GCSH: variants seen among roughly 807,000 people sequenced by gnomAD.
The protein encoded by GCSH is glycine cleavage system H protein, mitochondrial.
A neutral mutation model predicts 21.3 loss-of-function variants in GCSH; 15 were observed. That is an observed-to-expected ratio of 0.70 (90% confidence interval 0.47 to 1.08). The LOEUF (loss-of-function observed/expected upper bound fraction) is 1.08. GCSH is among the 50% of genes least tolerant of loss of function. The pLI, the probability that GCSH is intolerant of heterozygous loss-of-function variation, is 0.00. For missense variants in GCSH, 179 were observed against 217.5 expected (o/e 0.82, Z 1.11); for synonymous variants, 59 against 84.5 (o/e 0.70, Z 1.66).
intron 2 of GCSH, among the ~76,000 whole-genome samples, chr16:81,089,012 T>C (rs1972339449): frequency 6.6e-6 from 1 of 152,164 alleles, no homozygotes; most frequent in African/African-American, 2.4e-5. Flanking sequence ...TCTCAAAAAC[T>C]ATCCAACACT....
chr16:81,084,861 A>G (rs111365170), intron 3 of GCSH, among the ~76,000 whole-genome samples: 16,709 of 150,868 alleles, frequency 0.11, 976 homozygotes, highest in East Asian at 0.21. Context: ...ACAGGCGCCC[A>G]CCTGCCACCA....
intron 3 of GCSH, among the ~76,000 whole-genome samples, chr16:81,085,785 G>A (rs780675864): frequency 2.6e-5 from 4 of 152,094 alleles, no homozygotes; most frequent in East Asian, 1.9e-4. Context: ...ACTTGAACCC[G>A]GGAGGTGGAG....
intron 1 of GCSH, chr16:81,091,249 TC>T (rs1972391707): frequency 2.8e-6 from 1 of 361,746 alleles, no homozygotes; most frequent in African/African-American, 2.2e-5. Context: ...TTGACTAAGT[TC>T]TTAAAATTCT....
chr16:81,092,994 T>A (rs1972426615), intron 1 of GCSH, among the ~76,000 whole-genome samples: 2 of 151,874 alleles, frequency 1.3e-5, no homozygotes, highest in Admixed American at 6.6e-5. Flanking sequence ...TAGCCAGGTG[T>A]AGTGGTACAC....
Position 81,084,602 on chromosome 16 carries a change from GA to G in GCSH, c.293-9del, listed in dbSNP as rs202181338. 41 of 1,593,114 alleles carry G rather than the reference GA, an allele frequency of 2.6e-5. No homozygotes were observed. The highest frequency in any genetic ancestry group is 4.5e-5 in the East Asian group (2 of 44,620). On this transcript the variant is annotated splice_polypyrimidine_tract_variant and intron_variant, in intron 3 of 4. Transcript: ENST00000315467. ...CCAAAGCACCAAACTCATCTAAGTG[GA>G]AAAAAAATTAAAGAAAACATGAAAT...
chr16:81,085,125 C>T (rs1257722024), intron 3 of GCSH, among the ~76,000 whole-genome samples: 1 of 151,226 alleles, frequency 6.6e-6, no homozygotes, highest in Non-Finnish European at 1.5e-5. Context: ...AGCCATTCTC[C>T]TGCCTCAGCC....
intron 1 of GCSH, among the ~76,000 whole-genome samples, chr16:81,093,630 C>G (rs1241234244): frequency 6.6e-6 from 1 of 151,922 alleles, no homozygotes; most frequent in African/African-American, 2.4e-5. Context: ...CACCTGAGAT[C>G]AGGAGTTCAA....
At chr16:81,092,062 A>C (rs1202060661) in intron 1 of GCSH, among the ~76,000 whole-genome samples, 3 of 152,200 alleles carry the variant, frequency 2.0e-5, no homozygotes, top group African/African-American at 7.2e-5. Context: ...TGAATGTTTC[A>C]GGTCACTCTG....
At chr16:81,087,990 G>C (rs1393365818) in intron 2 of GCSH, among the ~76,000 whole-genome samples, 1 of 152,154 alleles carries the variant, frequency 6.6e-6, no homozygotes, top group Non-Finnish European at 1.5e-5. Flanking sequence ...GCTGGGTGTG[G>C]TGGCAGGCAC....
At chr16:81,094,870 G>A (rs1026396636) in intron 1 of GCSH, among the ~76,000 whole-genome samples, 1 of 152,138 alleles carries the variant, frequency 6.6e-6, no homozygotes, top group Non-Finnish European at 1.5e-5. Flanking sequence ...GCTGAGGCGG[G>A]TGGATCACTT....
Position 81,084,450 on chromosome 16 carries a change from A to G in GCSH, c.424+13T>C. ...AGTAGTAATTCCTTGAGAAATTTCT[A>G]GCAACAGCTTACCATCTTCATAACA... is the stretch of plus-strand genomic sequence containing the variant. On this transcript the variant is annotated intron_variant, in intron 4 of 4. Transcript: ENST00000315467. The G allele has an allele frequency of 6.2e-7, 1 of 1,602,312 alleles. No individual in the cohort carries two copies.
chr16:81,084,401 A>G (rs757992523), intron 4 of GCSH, 62 bp downstream of exon 4: 1 of 1,287,964 alleles, frequency 7.8e-7, no homozygotes. Context: ...ACTTGCTTTA[A>G]ATTCTAGATA....
At chr16:81,091,416 A>G (rs889425828) in intron 1 of GCSH, among the ~76,000 whole-genome samples, 3 of 152,310 alleles carry the variant, frequency 2.0e-5, no homozygotes, top group African/African-American at 7.2e-5. Context: ...TCAGCCCTCG[A>G]CTTACTGAGC....
intron 1 of GCSH, among the ~76,000 whole-genome samples, chr16:81,093,857 C>T (rs1434310563): frequency 1.3e-5 from 2 of 152,088 alleles, no homozygotes; most frequent in African/African-American, 4.8e-5. Flanking sequence ...TACAATTCTC[C>T]TTTAACCCTT....
At chr16:81,084,689 A>G (rs1972236316) in intron 3 of GCSH, 95 bp from the exon 4 acceptor site, 1 of 831,334 alleles carries the variant, frequency 1.2e-6, no homozygotes, top group Non-Finnish European at 1.9e-6. Context: ...TCATACAGCT[A>G]TGATTTTAAA....
chr16:81,088,202 T>C (rs775341507), intron 2 of GCSH, among the ~76,000 whole-genome samples: 2 of 152,128 alleles, frequency 1.3e-5, no homozygotes, highest in South Asian at 2.1e-4. Context: ...GGTGGGAGGA[T>C]AGCTTGAGCC....
intron 2 of GCSH, among the ~76,000 whole-genome samples, chr16:81,089,455 T>C (rs1024518417): frequency 2.0e-5 from 3 of 152,196 alleles, no homozygotes; most frequent in Non-Finnish European, 4.4e-5. Context: ...TGTGTTACGA[T>C]TGCCTACAGT....
chr16:81,092,647 G>T (rs1044321023), intron 1 of GCSH, among the ~76,000 whole-genome samples: 1 of 151,844 alleles, frequency 6.6e-6, no homozygotes, highest in Non-Finnish European at 1.5e-5. Context: ...GGAAGCTGAG[G>T]CATGAGAATT....
chr16:81,085,316 A>G (rs1283145388), intron 3 of GCSH, among the ~76,000 whole-genome samples: 2 of 152,126 alleles, frequency 1.3e-5, no homozygotes, highest in African/African-American at 4.8e-5. Context: ...CCTGGCCTAC[A>G]TTTCTTTAAT....
Sources: allele counts gnomAD v4.1 joint callset (sites outside exome capture counted in the v4.1 genomes callset), GRCh38; gene constraint gnomAD v4.1.1; transcripts MANE v1.5; gene names NCBI Gene and HGNC (gene_info 2026-07-23, HGNC 2026-07-21).